SEMA3E: variants seen among roughly 807,000 people sequenced by gnomAD.
SEMA3E encodes the protein semaphorin 3E.
In SEMA3E, 49 loss-of-function variants were observed where a neutral mutation model predicts 93.6. The observed-to-expected ratio is 0.52, with a 90% CI of 0.42 to 0.66. The LOEUF (loss-of-function observed/expected upper bound fraction) is 0.66. Among genes scored for constraint, SEMA3E ranks in the 30% least tolerant of loss-of-function variants. SEMA3E has a pLI of 0.00. For missense variants in SEMA3E, 906 were observed against 964.8 expected, an observed-to-expected ratio of 0.94 and a Z score of 0.81; for synonymous variants, 363 against 330.7, an observed-to-expected ratio of 1.10 and a Z score of -1.06.
chr7:83,417,143 T>C (rs1467399325), intron 5 of SEMA3E, among the ~76,000 whole-genome samples: 1 of 152,064 alleles, frequency 6.6e-6, no homozygotes, highest in Non-Finnish European at 1.5e-5. Context: ...ACTTAATTAC[T>C]ATATAATTCT....
chr7:83,364,047 AC>A lies in SEMA3E; in HGVS notation c.*3538del, dbSNP rs1206330321. 6.6e-6 allele frequency: 1 copy of A among 150,584 alleles called. No homozygotes were observed. Among genetic ancestry groups the A allele is most frequent in the Non-Finnish European group, 1.5e-5 (1 of 67,638 alleles). 9.3% of individuals were successfully genotyped at this position (150,584 alleles called of 1,614,324 possible). ...GTAGCTGGGACTACAGGCGCCCGCC[AC>A]CGCGCCCGGCTAATTTTTTGTATTT... On this transcript the variant is annotated 3_prime_UTR_variant, in exon 17 of 17. Coordinates refer to ENST00000643230, the MANE Select transcript of SEMA3E (RefSeq NM_012431.3).
intron 4 of SEMA3E, among the ~76,000 whole-genome samples, chr7:83,438,282 A>C (rs2115773211): frequency 6.6e-6 from 1 of 152,248 alleles, no homozygotes; most frequent in South Asian, 2.1e-4. Context: ...TAAATTTATA[A>C]TTCATGTAGA....
chr7:83,381,424 C>A (rs1337423998), intron 16 of SEMA3E, among the ~76,000 whole-genome samples: 1 of 151,926 alleles, frequency 6.6e-6, no homozygotes, highest in Non-Finnish European at 1.5e-5. Flanking sequence ...ATGACCTATG[C>A]CCTCACTTTT....
Position 83,364,888 on chromosome 7 carries a change from C to T in SEMA3E, c.*2698G>A, listed in dbSNP as rs989021511. 1.3e-5 allele frequency: 2 copies of T among 152,172 alleles called. No individual in the cohort carries two copies. Among genetic ancestry groups the T allele is most frequent in the Admixed American group, 6.5e-5 (1 of 15,280 alleles). 9.4% of individuals were successfully genotyped at this position (152,172 alleles called of 1,614,324 possible). A position where few individuals can be genotyped will look rare whatever the true frequency, so the allele number is the denominator to read the frequency against. ...TGAGATGAAGGGTGAACTCTTAATT[C>T]CTCCAAGTCTTGTAGGTATCTAAGT... is the stretch of plus-strand genomic sequence containing the variant. On this transcript the variant is annotated 3_prime_UTR_variant, in exon 17 of 17. Coordinates refer to ENST00000643230, the MANE Select transcript of SEMA3E (RefSeq NM_012431.3).
At chr7:83,593,755 C>T (rs529670594) in intron 1 of SEMA3E, among the ~76,000 whole-genome samples, 6 of 151,880 alleles carry the variant, frequency 4.0e-5, no homozygotes, top group Non-Finnish European at 8.8e-5. Context: ...CAGTAAGATG[C>T]CCGGGTCTAG....
chr7:83,611,508 C>G (rs1248332365), intron 1 of SEMA3E, among the ~76,000 whole-genome samples: 2 of 150,416 alleles, frequency 1.3e-5, no homozygotes, highest in African/African-American at 4.9e-5. Flanking sequence ...ACTCATTTCT[C>G]TTCATATTTA....
chr7:83,558,927 G>A (rs1791972608), intron 1 of SEMA3E, among the ~76,000 whole-genome samples: 1 of 152,006 alleles, frequency 6.6e-6, no homozygotes, highest in Non-Finnish European at 1.5e-5. Flanking sequence ...GCTAACTCTA[G>A]CTAACTCATC....
At chr7:83,411,111 A>G (rs886517011) in intron 5 of SEMA3E, among the ~76,000 whole-genome samples, 1 of 152,072 alleles carries the variant, frequency 6.6e-6, no homozygotes, top group Non-Finnish European at 1.5e-5. Context: ...CTAATTTGGA[A>G]CATTGTTTCA....
intron 4 of SEMA3E, among the ~76,000 whole-genome samples, chr7:83,426,037 C>A (rs1352864042): frequency 6.6e-6 from 1 of 152,094 alleles, no homozygotes; most frequent in Non-Finnish European, 1.5e-5. Context: ...CATCTCACAC[C>A]AGTCAGAATG....
intron 4 of SEMA3E, among the ~76,000 whole-genome samples, chr7:83,448,186 C>T (rs117108941): frequency 0.04 from 6,127 of 152,250 alleles, 173 homozygotes; most frequent in Non-Finnish European, 0.055. Context: ...ACTCTAGGTA[C>T]ATCTGTTCCA....
rs1288515963 is a variant in SEMA3E at position 83,637,756 on chromosome 7, T to C, written c.115+10672A>G. Among the ~76,000 whole-genome samples, 4 of 151,854 alleles carry C rather than the reference T, an allele frequency of 2.6e-5. No individual in the cohort carries two copies. In the East Asian group the frequency reaches 7.7e-4, roughly 29 times the overall value. ...TGGAACTGTGAGTCAATTAAACCTCTTTCCTTTATAAATTATCCAGTCTCT... is the reference window on the plus strand; with the variant it reads ...TGGAACTGTGAGTCAATTAAACCTCCTTCCTTTATAAATTATCCAGTCTCT... On this transcript the variant is annotated intron_variant, in intron 1 of 16. Coordinates refer to ENST00000643230, the MANE Select transcript of SEMA3E (RefSeq NM_012431.3).
intron 9 of SEMA3E, among the ~76,000 whole-genome samples, chr7:83,404,798 T>C (rs1253029467): frequency 6.6e-6 from 1 of 152,000 alleles, no homozygotes; most frequent in Non-Finnish European, 1.5e-5. Flanking sequence ...AGAAGAGTGT[T>C]CTATGATTAT....
chr7:83,497,005 A>C (rs1440183137), intron 1 of SEMA3E, among the ~76,000 whole-genome samples: 1 of 152,134 alleles, frequency 6.6e-6, no homozygotes, highest in Non-Finnish European at 1.5e-5. Context: ...TGGACAAAGA[A>C]ATAAGATGAA....
intron 4 of SEMA3E, among the ~76,000 whole-genome samples, chr7:83,450,137 T>C (rs1789326028): frequency 6.6e-6 from 1 of 152,222 alleles, no homozygotes; most frequent in African/African-American, 2.4e-5. Context: ...CAATGCTTAA[T>C]GTGGGGTAAC....
At chr7:83,457,024 T>G (rs1789497814) in intron 4 of SEMA3E, among the ~76,000 whole-genome samples, 1 of 152,214 alleles carries the variant, frequency 6.6e-6, no homozygotes, top group South Asian at 2.1e-4. Flanking sequence ...CCATTGATAC[T>G]ATTAACTATC....
chr7:83,429,897 A>T (rs564439722), intron 4 of SEMA3E, among the ~76,000 whole-genome samples: 1 of 148,882 alleles, frequency 6.7e-6, no homozygotes, highest in East Asian at 1.9e-4. Context: ...ACTTTGCTGG[A>T]AAAAAAAAAT....
chr7:83,588,813 G>T (rs764105691), intron 1 of SEMA3E, among the ~76,000 whole-genome samples: 2 of 152,094 alleles, frequency 1.3e-5, no homozygotes, highest in Admixed American at 1.3e-4. Context: ...TACCCAGAGC[G>T]CAACTGTATA....
chr7:83,549,721 C>T (rs761182231), intron 1 of SEMA3E, among the ~76,000 whole-genome samples: 2 of 152,012 alleles, frequency 1.3e-5, no homozygotes, highest in African/African-American at 4.8e-5. Flanking sequence ...TCATCTTCTG[C>T]TAGATCCCAG....
At chr7:83,553,665 A>G (rs1216193334) in intron 1 of SEMA3E, among the ~76,000 whole-genome samples, 2 of 152,140 alleles carry the variant, frequency 1.3e-5, no homozygotes, top group African/African-American at 4.8e-5. Flanking sequence ...ACAACTAACT[A>G]GGGTTAACTA....
Sources: gnomAD v4.1 joint callset for allele counts (sites outside exome capture counted in the v4.1 genomes callset) on GRCh38, gnomAD v4.1.1 for gene constraint, MANE v1.5 for transcripts, NCBI Gene and HGNC (gene_info 2026-07-23, HGNC 2026-07-21) for gene names.